RELL1: variants seen among roughly 807,000 people sequenced by gnomAD.
RELL1 encodes the protein RELT-like protein 1.
RELL1 carries 10 observed loss-of-function variants against 23.0 expected under a neutral mutation model. That is an observed-to-expected ratio of 0.43 (90% CI 0.27 to 0.74). RELL1 has a LOEUF of 0.74. Among genes scored for constraint, RELL1 ranks in the 30% least tolerant of loss-of-function variants. RELL1 has a pLI of 0.19. For synonymous variants in RELL1, 146 were observed against 146.8 expected, an observed-to-expected ratio of 0.99 and a Z score of 0.04; for missense variants, 315 against 364.4, an observed-to-expected ratio of 0.86 and a Z score of 1.10.
Position 37,612,339 on chromosome 4 carries a change from C to CA in RELL1, c.*1006dup, listed in dbSNP as rs67692676. Among the ~76,000 whole-genome samples the CA allele has an allele frequency of 4.7e-5, 4 of 85,318 alleles. No homozygotes were observed. Among genetic ancestry groups the CA allele is most frequent in the African/African-American group, 1.3e-4 (2 of 15,316 alleles). 56.0% of individuals were successfully genotyped at this position (85,318 alleles called of 152,430 possible). ...CTAAAGGTTAAAAAAAAAAAAAAAA[C>CA]AAAAAAAAACAAAAAACCGGGTGCA... is the stretch of plus-strand genomic sequence containing the variant. On this transcript the variant is annotated 3_prime_UTR_variant, in exon 7 of 7. Transcript: ENST00000454158.
At chr4:37,666,927 A>T (rs1721554819) in intron 1 of RELL1, among the ~76,000 whole-genome samples, 1 of 152,208 alleles carries the variant, frequency 6.6e-6, no homozygotes, top group Non-Finnish European at 1.5e-5. Flanking sequence ...TTCTGAGAAC[A>T]TAGGAACTGG....
intron 2 of RELL1, 67 bp downstream of exon 2, chr4:37,649,209 T>C: frequency 8.0e-7 from 1 of 1,242,868 alleles, no homozygotes; most frequent in South Asian, 1.3e-5. Context: ...ATGGAAAGCA[T>C]ATATCACTGG....
At chr4:37,663,940 C>G (rs1472262056) in intron 1 of RELL1, among the ~76,000 whole-genome samples, 1 of 152,140 alleles carries the variant, frequency 6.6e-6, no homozygotes, top group Non-Finnish European at 1.5e-5. Flanking sequence ...AACACTGGAA[C>G]TTGCACATAT....
intron 3 of RELL1, among the ~76,000 whole-genome samples, chr4:37,645,598 G>A (rs891392244): frequency 6.6e-6 from 1 of 152,192 alleles, no homozygotes; most frequent in African/African-American, 2.4e-5. Context: ...TTAGAAGACA[G>A]GAGGGACAAT....
intron 6 of RELL1, among the ~76,000 whole-genome samples, chr4:37,627,381 T>C (rs1719989136): frequency 1.3e-5 from 2 of 152,204 alleles, no homozygotes; most frequent in Admixed American, 1.3e-4. Flanking sequence ...CAATTCAATT[T>C]ATTTAACTTT....
At chr4:37,667,585 T>C (rs934618226) in intron 1 of RELL1, among the ~76,000 whole-genome samples, 8 of 150,434 alleles carry the variant, frequency 5.3e-5, no homozygotes, top group Admixed American at 2.0e-4. Flanking sequence ...GTTCACGTAG[T>C]AGAGTTAGAG....
chr4:37,631,625 A>G, intron 5 of RELL1, 102 bp from the exon 6 acceptor site: 1 of 1,315,300 alleles, frequency 7.6e-7, no homozygotes, highest in South Asian at 1.4e-5. Flanking sequence ...AAATGAACTC[A>G]GCCAAAAGTT....
In RELL1 at chr4:37,631,468, T is replaced by C; in HGVS notation, c.736A>G (p.Met246Val). The change falls in exon 6 of 7, where the codon ATG becomes GTG. Residue 246 changes from methionine to valine, a missense_variant. Coordinates refer to ENST00000454158, the MANE Select transcript of RELL1 (RefSeq NM_001085400.2). ...ACGGTTTCAGCCCCACTAACAGACA[T>C]CAGGCTTCTCCGTTCCTTCTGGTTT... ...KSNQKERRSL[M>V]SVSGAETVNG... The C allele has an allele frequency of 6.2e-7, 1 of 1,614,142 alleles. No homozygotes were observed. Among genetic ancestry groups the C allele is most frequent in the South Asian group, 1.1e-5 (1 of 91,074 alleles).
At chr4:37,606,177 AAAG>A (rs1560325095), downstream of RELL1, among the ~76,000 whole-genome samples, 1 of 141,122 alleles carries the variant, frequency 7.1e-6, no homozygotes, top group South Asian at 2.4e-4. This position sits in a 1 kb window ranked among gnomAD's most constrained non-coding sequence, Gnocchi z 4.1. Context: ...AAAAAAGGAG[AAAG>A]AAGAAAGAAA....
At chr4:37,680,140 T>C (rs1722154845) in intron 1 of RELL1, among the ~76,000 whole-genome samples, 1 of 152,228 alleles carries the variant, frequency 6.6e-6, no homozygotes, top group Admixed American at 6.5e-5. Flanking sequence ...TTACCAACCA[T>C]GTACAAATTA....
At chr4:37,628,933 TAATCAG>T (rs201770776) in intron 6 of RELL1, among the ~76,000 whole-genome samples, 2,906 of 152,336 alleles carry the variant, frequency 0.019, 52 homozygotes, top group Non-Finnish European at 0.023. Context: ...CAAATTTCTA[TAATCAG>T]AATCAGACAG....
At chr4:37,669,901 G>A (rs960048885) in intron 1 of RELL1, among the ~76,000 whole-genome samples, 12 of 151,440 alleles carry the variant, frequency 7.9e-5, no homozygotes, top group Admixed American at 2.0e-4. Context: ...CAAACAATGC[G>A]GAAGGCCGCA....
At chr4:37,669,585 T>G (rs1721743609) in intron 1 of RELL1, among the ~76,000 whole-genome samples, 1 of 151,968 alleles carries the variant, frequency 6.6e-6, no homozygotes, top group Admixed American at 6.5e-5. Flanking sequence ...TTTTGTGGAA[T>G]AGAAAGGGGG....
intron 1 of RELL1, among the ~76,000 whole-genome samples, chr4:37,681,221 C>T (rs936210189): frequency 5.9e-5 from 9 of 152,178 alleles, no homozygotes; most frequent in Non-Finnish European, 1.3e-4. Context: ...GCTATCACCA[C>T]CTCCAGAATA....
chr4:37,658,034 A>C (rs1047302866), intron 1 of RELL1, among the ~76,000 whole-genome samples: 1 of 152,196 alleles, frequency 6.6e-6, no homozygotes, highest in Admixed American at 6.5e-5. Flanking sequence ...ACTTGAGCCC[A>C]GGAGTTCAAA....
downstream of RELL1, among the ~76,000 whole-genome samples, chr4:37,608,794 C>G (rs1303983789): frequency 6.6e-6 from 1 of 152,024 alleles, no homozygotes; most frequent in Non-Finnish European, 1.5e-5. Context: ...TTATGCCCAG[C>G]TAGTTTTTGT....
chr4:37,593,531 C>T (rs937943), intron 6 of RELL1, among the ~76,000 whole-genome samples: 100,184 of 152,056 alleles, frequency 0.66, 34,517 homozygotes, highest in Non-Finnish European at 0.76. Context: ...ATTAAGGACC[C>T]CACAGAAGTA....
intron 3 of RELL1, among the ~76,000 whole-genome samples, chr4:37,644,631 T>C (rs1169297192): frequency 6.6e-6 from 1 of 151,656 alleles, no homozygotes; most frequent in Non-Finnish European, 1.5e-5. Flanking sequence ...AGCTAATTTT[T>C]ACATTTTTAG....
intron 6 of RELL1, among the ~76,000 whole-genome samples, chr4:37,631,075 T>C (rs1720112805): frequency 6.6e-6 from 1 of 152,220 alleles, no homozygotes; most frequent in African/African-American, 2.4e-5. Flanking sequence ...GCAAGCCCTA[T>C]ATGGTGGGTG....
Sources: gnomAD v4.1 joint callset for allele counts (sites outside exome capture counted in the v4.1 genomes callset) on GRCh38, gnomAD v4.1.1 for gene constraint, Gnocchi (gnomAD v3.1) non-coding constraint, MANE v1.5 for transcripts, NCBI Gene and HGNC (gene_info 2026-07-23, HGNC 2026-07-21) for gene names.